The following CNTRL variants were observed in gnomAD, a reference collection of about 807,000 sequenced individuals.
CNTRL encodes 110 kDa centrosomal protein.
Under a neutral mutation model 303.7 loss-of-function variants are expected in CNTRL, and 233 were observed. The ratio of observed to expected loss-of-function variants is 0.77; its 90% CI spans 0.69 to 0.86. The LOEUF (loss-of-function observed/expected upper bound fraction) is 0.86, where lower values mean the gene tolerates loss of function less well. Ranked by LOEUF, CNTRL falls within the 40% of genes least tolerant of loss-of-function variation. The pLI is 0.00. For missense variants in CNTRL, 2,524 were observed against 2,650.6 expected, an observed-to-expected ratio of 0.95 and a Z score of 1.05; for synonymous variants, 900 against 922.2, an observed-to-expected ratio of 0.98 and a Z score of 0.44.
rs2052730978 is a variant in CNTRL at position 121,159,144 on chromosome 9, A to G, written c.4929+125A>G. 5.1e-6 allele frequency: 5 copies of G among 973,034 alleles called. No individual in the cohort carries two copies. The South Asian group carries it at 8.5e-5, about 17-fold the overall frequency. 60.3% of individuals were successfully genotyped at this position (973,034 alleles called of 1,614,324 possible). A position where few individuals can be genotyped will look rare whatever the true frequency, so the allele number is the denominator to read the frequency against. On this transcript the variant is annotated intron_variant, in intron 31 of 43. Coordinates refer to ENST00000373855, the MANE Select transcript of CNTRL (RefSeq NM_007018.6). ...CCTGAAATCTTGCCTCCTCTGTAAAATCAGTTTGGTGTTGTTACATATCCA... is the reference window on the plus strand; with the variant it reads ...CCTGAAATCTTGCCTCCTCTGTAAAGTCAGTTTGGTGTTGTTACATATCCA...
Position 121,141,468 on chromosome 9 carries a change from A to G in CNTRL, c.2571A>G (p.Glu857=), listed in dbSNP as rs1468285434. Residue 857 remains glutamate (E), a synonymous_variant, in exon 18 of 44, where the codon GAA becomes GAG. Coordinates refer to ENST00000373855, the MANE Select transcript of CNTRL (RefSeq NM_007018.6). ...FSEILARSKW[E]RDEAQVRERK... is the part of the protein sequence containing the mutation. ...AAATTCTTGCACGCTCCAAGTGGGA[A>G]AGAGATGAAGCACAAGTTAGAGAGA... 1 of 1,614,116 alleles carries G rather than the reference A, an allele frequency of 6.2e-7. No individual in the cohort carries two copies. The highest frequency in any genetic ancestry group is 1.3e-5 in the African/African-American group (1 of 75,044).
chr9:121,167,734 A>T, intron 37 of CNTRL, 57 bp downstream of exon 37: 2 of 1,465,354 alleles, frequency 1.4e-6, no homozygotes, highest in Admixed American at 1.9e-5. Flanking sequence ...ATGTGAGCCT[A>T]TTTTTCCCCT....
At chr9:121,124,167 A>G in intron 13 of CNTRL, 83 bp downstream of exon 13, 1 of 1,234,300 alleles carries the variant, frequency 8.1e-7, no homozygotes, top group Non-Finnish European at 1.1e-6. Flanking sequence ...TAATCCAGAT[A>G]GTAGCTAAAT....
chr9:121,171,347 A>C, intron 39 of CNTRL, 61 bp from the exon 40 acceptor site: 1 of 1,591,096 alleles, frequency 6.3e-7, no homozygotes, highest in Middle Eastern at 1.7e-4. Context: ...TGAGTGTGTA[A>C]GCCAGCAAAC....
chr9:121,141,748 T>A (rs1354272498), intron 18 of CNTRL, 160 bp downstream of exon 18: 1 of 715,384 alleles, frequency 1.4e-6, no homozygotes, highest in Non-Finnish European at 2.3e-6. Flanking sequence ...CAACCCTGAA[T>A]GTGGTTATAA....
chr9:121,113,836 A>G (rs1588140208), intron 10 of CNTRL, 112 bp downstream of exon 10: 7 of 628,336 alleles, frequency 1.1e-5, no homozygotes, highest in Non-Finnish European at 1.5e-5. Flanking sequence ...TATTGTTTCC[A>G]TGAAAAGTCT....
chr9:121,148,100 A>G (rs547633643), intron 23 of CNTRL, among the ~76,000 whole-genome samples: 1 of 152,284 alleles, frequency 6.6e-6, no homozygotes, highest in South Asian at 2.1e-4. Context: ...CACTAGGAAA[A>G]ATGACTACAG....
At chr9:121,133,129 T>A (rs142856576) in intron 14 of CNTRL, among the ~76,000 whole-genome samples, 1 of 152,258 alleles carries the variant, frequency 6.6e-6, no homozygotes, top group African/African-American at 2.4e-5. Flanking sequence ...CTGTCCGTTC[T>A]CTGAGCTCAA....
At chr9:121,142,370 T>A in intron 19 of CNTRL, 100 bp downstream of exon 19, 6 of 1,018,616 alleles carry the variant, frequency 5.9e-6, no homozygotes, top group Non-Finnish European at 6.9e-6. Context: ...TGTAGTCACC[T>A]CTGGCTGCAT....
In CNTRL at chr9:121,152,220, G is replaced by A. The variant is rs147110601; in HGVS notation, c.3964-265G>A. ...CTGTCTATCTCTTCTGCTAGACCCC[G>A]AACTCTTTGGAGGCAGAGGTTATCC... is the stretch of plus-strand genomic sequence containing the variant. On this transcript the variant is annotated intron_variant, in intron 25 of 43. Coordinates refer to ENST00000373855, the MANE Select transcript of CNTRL (RefSeq NM_007018.6). 15 of 392,844 alleles carry A rather than the reference G, an allele frequency of 3.8e-5. No individual in the cohort carries two copies. The East Asian group carries it at 6.3e-4, about 16-fold the overall frequency. The allele number at this position is 392,844 out of a possible 1,614,324, so 24.3% of individuals were successfully genotyped here.
intron 3 of CNTRL, 97 bp from the exon 4 acceptor site, chr9:121,090,178 T>A (rs2048504135): frequency 6.3e-6 from 7 of 1,119,662 alleles, no homozygotes. Flanking sequence ...TATTCATGGC[T>A]TAATTTTTGT....
At chr9:121,171,634 T>C (rs751251376) in intron 40 of CNTRL, 86 bp downstream of exon 40, 1 of 1,365,298 alleles carries the variant, frequency 7.3e-7, no homozygotes, top group East Asian at 2.5e-5. Context: ...TAATATCCCT[T>C]CTATAGTAGT....
chr9:121,128,914 T>G (rs1394979517), intron 14 of CNTRL, among the ~76,000 whole-genome samples: 1 of 152,244 alleles, frequency 6.6e-6, no homozygotes, highest in African/African-American at 2.4e-5. Flanking sequence ...CATTTCTTGT[T>G]TTTGTCAGGT....
chr9:121,165,146 C>G, intron 35 of CNTRL, 46 bp downstream of exon 35: 1 of 1,492,290 alleles, frequency 6.7e-7, no homozygotes, highest in African/African-American at 1.4e-5. Flanking sequence ...CCTTGCCCTT[C>G]GTTAGATTCT....
chr9:121,168,331 C>G lies in CNTRL; in HGVS notation c.6070+10C>G. On this transcript the variant is annotated intron_variant, in intron 38 of 43. Transcript: ENST00000373855. ...ACACTCTCCCAAACTAGTATGTATT[C>G]TGGAACTTCTCACTGGGAGATGGGG... is the stretch of plus-strand genomic sequence containing the variant. 1.2e-6 allele frequency: 2 copies of G among 1,610,068 alleles called. No individual in the cohort carries two copies. The highest frequency in any genetic ancestry group is 1.7e-6 in the Non-Finnish European group (2 of 1,176,440).
intron 7 of CNTRL, among the ~76,000 whole-genome samples, chr9:121,102,077 G>T (rs1393224514): frequency 6.6e-6 from 1 of 152,106 alleles, no homozygotes; most frequent in Non-Finnish European, 1.5e-5. Context: ...TGACACCAAA[G>T]CCTGGCAGAG....
chr9:121,091,455 T>G (rs1488241703), intron 4 of CNTRL, among the ~76,000 whole-genome samples: 1 of 152,172 alleles, frequency 6.6e-6, no homozygotes, highest in Non-Finnish European at 1.5e-5. Context: ...AAGCAAATAC[T>G]AACCCTAGTA....
At position 121,157,809 on chromosome 9, in the gene CNTRL, A is replaced by C; in HGVS notation, c.4566A>C (p.Ile1522=). 6.2e-7 allele frequency: 1 copy of C among 1,614,202 alleles called. No individual in the cohort carries two copies. Among genetic ancestry groups the C allele is most frequent in the Non-Finnish European group, 8.5e-7 (1 of 1,180,020 alleles). ...KIKQEEILKE[I]NKIVAAKDSD... ...AGCAAGAAGAAATCTTGAAAGAAAT[A>C]AACAAAATTGTAGCAGCAAAAGACT... The change falls in exon 29 of 44, where the codon ATA becomes ATC. Residue 1522 remains isoleucine, a synonymous_variant. Transcript: ENST00000373855.
chr9:121,109,044 G>T (rs1428320162), intron 8 of CNTRL, among the ~76,000 whole-genome samples: 1 of 152,090 alleles, frequency 6.6e-6, no homozygotes, highest in Non-Finnish European at 1.5e-5. Context: ...ATCTGTGGGG[G>T]ATTGGTTCCA....
Sources: allele counts gnomAD v4.1 joint callset (sites outside exome capture counted in the v4.1 genomes callset), GRCh38; gene constraint gnomAD v4.1.1; transcripts MANE v1.5; gene names NCBI Gene and HGNC (gene_info 2026-07-23, HGNC 2026-07-21).